The following ZNF407 variants were observed in gnomAD, a reference collection of about 807,000 sequenced individuals.
ZNF407 encodes the protein zinc finger protein 407.
A neutral mutation model predicts 131.2 loss-of-function variants in ZNF407; 17 were observed. The observed-to-expected ratio is 0.13, with a 90% CI of 0.09 to 0.19. The LOEUF (loss-of-function observed/expected upper bound fraction) is 0.19, where lower values mean the gene tolerates loss of function less well. Ranked by LOEUF, ZNF407 falls within the 10% of genes least tolerant of loss-of-function variation. The probability of loss-of-function intolerance (pLI) is 1.00; values close to 1 mark genes in which losing one functional copy is unlikely to be tolerated. For synonymous variants in ZNF407, 1,156 were observed against 1,062.0 expected, an observed-to-expected ratio of 1.09 and a Z score of -1.72; for missense variants, 2,681 against 2,830.6, an observed-to-expected ratio of 0.95 and a Z score of 1.20.
chr18:74,669,836 A>G (rs1157862523), intron 3 of ZNF407, among the ~76,000 whole-genome samples: 2 of 152,268 alleles, frequency 1.3e-5, no homozygotes, highest in African/African-American at 4.8e-5. Flanking sequence ...TTACAAAAAT[A>G]ATTGAAAAAC....
Position 74,676,304 on chromosome 18 carries a change from C to T in ZNF407, c.4802+35182C>T, listed in dbSNP as rs151063762. ...ACAGGGTTTCACTGTGTTGCCCAGGCTGGTCTCAAACTCCTGAGCTCAGGC... is the reference window on the plus strand; with the variant it reads ...ACAGGGTTTCACTGTGTTGCCCAGGTTGGTCTCAAACTCCTGAGCTCAGGC... On this transcript the variant is annotated intron_variant, in intron 3 of 8. Coordinates refer to ENST00000299687, the MANE Select transcript of ZNF407 (RefSeq NM_017757.3). Among the ~76,000 whole-genome samples the T allele has an allele frequency of 3.1e-3, 464 of 152,074 alleles. 2 individuals carry two copies. Among genetic ancestry groups the T allele is most frequent in the African/African-American group, 0.01 (427 of 41,408 alleles).
chr18:74,779,905 A>T (rs1310876314), intron 3 of ZNF407, among the ~76,000 whole-genome samples: 1 of 152,028 alleles, frequency 6.6e-6, no homozygotes, highest in Non-Finnish European at 1.5e-5. Context: ...ATTATAGACA[A>T]TGGAGGACAG....
intron 7 of ZNF407, among the ~76,000 whole-genome samples, chr18:74,909,705 T>C (rs561556321): frequency 5.8e-4 from 88 of 152,250 alleles, no homozygotes; most frequent in Admixed American, 5.4e-3. Context: ...TCTTCAGAAA[T>C]AATATTTTTT....
chr18:74,604,371 A>T (rs77678194), intron 1 of ZNF407, among the ~76,000 whole-genome samples: 1 of 40,048 alleles, frequency 2.5e-5, no homozygotes, highest in Non-Finnish European at 7.6e-5. Flanking sequence ...TATGTCCACC[A>T]GGGGTCTTAG....
At chr18:74,941,663 A>G (rs1568277528) in intron 8 of ZNF407, among the ~76,000 whole-genome samples, 4 of 152,234 alleles carry the variant, frequency 2.6e-5, no homozygotes, top group Non-Finnish European at 5.9e-5. Flanking sequence ...TTTCTCAAGT[A>G]GCAAATGGAG....
At chr18:74,961,742 G>A (rs1416404142) in intron 8 of ZNF407, among the ~76,000 whole-genome samples, 1 of 151,284 alleles carries the variant, frequency 6.6e-6, no homozygotes, top group African/African-American at 2.4e-5. Flanking sequence ...AGTTTGCAAA[G>A]TGCCCAGATA....
intron 8 of ZNF407, among the ~76,000 whole-genome samples, chr18:75,030,903 G>T (rs1180653472): frequency 6.6e-6 from 1 of 152,166 alleles, no homozygotes. Flanking sequence ...GTGACTGCAT[G>T]CCAGAAAAGC....
chr18:74,979,440 C>T (rs746928770), intron 8 of ZNF407, among the ~76,000 whole-genome samples: 1 of 152,122 alleles, frequency 6.6e-6, no homozygotes, highest in Non-Finnish European at 1.5e-5. Context: ...TACAGGCATG[C>T]ACCACCACGC....
At chr18:74,981,907 T>A (rs1448579780) in intron 8 of ZNF407, among the ~76,000 whole-genome samples, 1 of 152,252 alleles carries the variant, frequency 6.6e-6, no homozygotes, top group Admixed American at 6.5e-5. Context: ...CTTGTAGGAT[T>A]TAGTGGCTTT....
At chr18:74,617,856 C>G (rs1175745317) in intron 1 of ZNF407, among the ~76,000 whole-genome samples, 1 of 150,856 alleles carries the variant, frequency 6.6e-6, no homozygotes, top group Non-Finnish European at 1.5e-5. Context: ...ATCTAAAACG[C>G]CCCCCCTAGA....
chr18:74,618,027 C>T (rs1295146824), intron 1 of ZNF407, among the ~76,000 whole-genome samples: 1 of 152,186 alleles, frequency 6.6e-6, no homozygotes, highest in Non-Finnish European at 1.5e-5. Context: ...GTCCATCTCT[C>T]CATCTGCCTG....
intron 3 of ZNF407, among the ~76,000 whole-genome samples, chr18:74,700,007 T>C (rs1242353134): frequency 1.3e-5 from 2 of 152,204 alleles, no homozygotes; most frequent in Non-Finnish European, 2.9e-5. Context: ...ATTAGTGCTG[T>C]GTTCCCATAG....
intron 4 of ZNF407, among the ~76,000 whole-genome samples, chr18:74,802,346 A>C (rs1056015340): frequency 6.6e-6 from 1 of 152,166 alleles, no homozygotes; most frequent in African/African-American, 2.4e-5. Context: ...CTCTGTTAAC[A>C]ATGTTACATA....
chr18:74,800,384 A>C (rs1192893520), intron 4 of ZNF407, among the ~76,000 whole-genome samples: 1 of 151,772 alleles, frequency 6.6e-6, no homozygotes, highest in Non-Finnish European at 1.5e-5. Context: ...TTCTCATATT[A>C]TTTTTATTTT....
At position 75,032,926 on chromosome 18, in the gene ZNF407, C is replaced by T. The variant is rs570165577; in HGVS notation, c.5429-30224C>T. Among the ~76,000 whole-genome samples the T allele has an allele frequency of 1.1e-3, 108 of 101,062 alleles. 1 individual carries two copies. Among genetic ancestry groups the T allele is most frequent in the African/African-American group, 4.1e-3 (98 of 23,680 alleles). 66.3% of individuals were successfully genotyped at this position (101,062 alleles called of 152,430 possible). A position where few individuals can be genotyped will look rare whatever the true frequency, so the allele number is the denominator to read the frequency against. On this transcript the variant is annotated intron_variant, in intron 8 of 8. Coordinates refer to ENST00000299687, the MANE Select transcript of ZNF407 (RefSeq NM_017757.3). ...ATAGTATTAGATAACTAAGAGTGCT[C>T]GGAATGGGGGAAGATAGTATTAGTT...
At chr18:74,916,482 G>A (rs1283276780) in intron 7 of ZNF407, among the ~76,000 whole-genome samples, 2 of 130,998 alleles carry the variant, frequency 1.5e-5, no homozygotes, top group East Asian at 5.0e-4. Flanking sequence ...CGAATTGGGA[G>A]TGTGTGTGTG....
At chr18:74,902,009 A>G (rs1489188704) in intron 7 of ZNF407, among the ~76,000 whole-genome samples, 1 of 152,168 alleles carries the variant, frequency 6.6e-6, no homozygotes, top group Non-Finnish European at 1.5e-5. Context: ...GTGTTGTAAA[A>G]GTAAAACTAA....
chr18:74,647,515 G>A (rs1390045793), intron 3 of ZNF407, among the ~76,000 whole-genome samples: 1 of 152,026 alleles, frequency 6.6e-6, no homozygotes, highest in Non-Finnish European at 1.5e-5. Context: ...AATATTAGGT[G>A]GGTAGCCATT....
intron 3 of ZNF407, among the ~76,000 whole-genome samples, chr18:74,660,653 C>A (rs1288970848): frequency 6.6e-6 from 1 of 152,036 alleles, no homozygotes; most frequent in East Asian, 1.9e-4. Context: ...GTTTTAAGTT[C>A]ATCATTGTGG....
Sources: gnomAD v4.1 joint callset for allele counts (sites outside exome capture counted in the v4.1 genomes callset) on GRCh38, gnomAD v4.1.1 for gene constraint, MANE v1.5 for transcripts, NCBI Gene and HGNC (gene_info 2026-07-23, HGNC 2026-07-21) for gene names.